ZNF438: variants seen among roughly 807,000 people sequenced by gnomAD.
The protein encoded by ZNF438 is zinc finger protein 438.
In ZNF438, 25 loss-of-function variants were observed where a neutral mutation model predicts 38.0. The ratio of observed to expected loss-of-function variants is 0.66; its 90% CI spans 0.48 to 0.92. ZNF438 has a LOEUF of 0.92. ZNF438 is among the 40% of genes least tolerant of loss of function. The pLI is 0.00. For synonymous variants in ZNF438, 372 were observed against 364.1 expected (o/e 1.02, Z -0.25); for missense variants, 1,007 against 999.6 (o/e 1.01, Z -0.10).
intron 3 of ZNF438, among the ~76,000 whole-genome samples, chr10:30,880,168 C>T (rs1164442187): frequency 6.6e-6 from 1 of 152,126 alleles, no homozygotes; most frequent in African/African-American, 2.4e-5. Flanking sequence ...CGGAGGCTCA[C>T]ACCTGGAATC....
chr10:30,948,045 G>C (rs867989054), intron 1 of ZNF438, among the ~76,000 whole-genome samples: 14 of 152,188 alleles, frequency 9.2e-5, no homozygotes, highest in South Asian at 2.1e-4. Flanking sequence ...TCCGCAGCTG[G>C]AGATCTCAGT....
At chr10:30,887,790 A>T (rs1485620028) in intron 3 of ZNF438, among the ~76,000 whole-genome samples, 2 of 152,158 alleles carry the variant, frequency 1.3e-5, no homozygotes, top group African/African-American at 4.8e-5. Flanking sequence ...AAAATATATA[A>T]TATCATCTCA....
At chr10:30,995,744 A>C (rs1589641941) in intron 1 of ZNF438, among the ~76,000 whole-genome samples, 1 of 152,214 alleles carries the variant, frequency 6.6e-6, no homozygotes, top group African/African-American at 2.4e-5. Flanking sequence ...AGCACAAAAG[A>C]AGCAGGTGAG....
intron 1 of ZNF438, among the ~76,000 whole-genome samples, chr10:30,944,818 T>A (rs2047197967): frequency 6.6e-6 from 1 of 152,248 alleles, no homozygotes; most frequent in South Asian, 2.1e-4. Flanking sequence ...ATCTGTTTAT[T>A]TCATTAAACT....
chr10:30,880,865 T>A (rs1008151877), intron 3 of ZNF438, among the ~76,000 whole-genome samples: 1 of 152,016 alleles, frequency 6.6e-6, no homozygotes, highest in African/African-American at 2.4e-5. Flanking sequence ...CATCTTAATG[T>A]TATAAAAGAA....
intron 1 of ZNF438, among the ~76,000 whole-genome samples, chr10:30,952,176 G>T (rs1270098481): frequency 6.6e-6 from 1 of 151,676 alleles, no homozygotes; most frequent in South Asian, 2.1e-4. Context: ...AATAAATGGT[G>T]CTGGGAAAAC....
At chr10:30,940,800 A>T (rs573972789) in intron 2 of ZNF438, among the ~76,000 whole-genome samples, 1 of 152,346 alleles carries the variant, frequency 6.6e-6, no homozygotes, top group South Asian at 2.1e-4. Context: ...TGACCTTTCA[A>T]AGATTTTTTA....
At chr10:30,894,311 G>A (rs2041064108) in intron 3 of ZNF438, among the ~76,000 whole-genome samples, 2 of 152,186 alleles carry the variant, frequency 1.3e-5, no homozygotes, top group African/African-American at 2.4e-5. Flanking sequence ...TGGAGGACTA[G>A]ACAGTCCAGA....
In ZNF438 at chr10:30,920,564, G is replaced by A. The variant is rs1280459663; in HGVS notation, c.-114-11549C>T. 4 of 151,976 alleles carry A rather than the reference G, an allele frequency of 2.6e-5. No homozygotes were observed. In the East Asian group the frequency reaches 5.8e-4, roughly 22 times the overall value. 9.4% of individuals were successfully genotyped at this position (151,976 alleles called of 1,614,324 possible). A position where few individuals can be genotyped will look rare whatever the true frequency, so the allele number is the denominator to read the frequency against. Reference sequence around the variant, plus strand: ...AGAGAAGTAAAATTGATACAGCTTCGCCATCCTCATTTTACTTGGCAGTTT... The same window carrying A: ...AGAGAAGTAAAATTGATACAGCTTCACCATCCTCATTTTACTTGGCAGTTT... On this transcript the variant is annotated intron_variant, in intron 2 of 5. Coordinates refer to ENST00000413025, the Ensembl canonical transcript of ZNF438.
chr10:30,928,555 T>G (rs1419312112), intron 2 of ZNF438, among the ~76,000 whole-genome samples: 19 of 149,618 alleles, frequency 1.3e-4, no homozygotes, highest in Admixed American at 6.6e-5. Flanking sequence ...AATCACAACG[T>G]TTGGACAAAA....
chr10:30,846,280 C>T (rs888495139), intron 5 of ZNF438, among the ~76,000 whole-genome samples: 1 of 152,206 alleles, frequency 6.6e-6, no homozygotes, highest in Non-Finnish European at 1.5e-5. Context: ...GAGCACCCAG[C>T]TGAAGGTGCA....
At chr10:30,860,389 A>T (rs1253961397) in intron 4 of ZNF438, among the ~76,000 whole-genome samples, 1 of 152,202 alleles carries the variant, frequency 6.6e-6, no homozygotes, top group East Asian at 1.9e-4. Flanking sequence ...TTGGGTCTGC[A>T]TTCTGAAAGC....
chr10:30,929,618 T>C (rs2045392520), intron 2 of ZNF438, among the ~76,000 whole-genome samples: 1 of 152,236 alleles, frequency 6.6e-6, no homozygotes, highest in Admixed American at 6.5e-5. Flanking sequence ...TTGCTGCTGC[T>C]GGCTGCGGTA....
At position 31,003,029 on chromosome 10, in the gene ZNF438, A is replaced by T. The variant is rs541338565; in HGVS notation, c.-192+28804T>A. 3.3e-5 allele frequency among the ~76,000 whole-genome samples: 5 copies of T among 152,284 alleles called. No homozygotes were observed. In the South Asian group the frequency reaches 1.0e-3, roughly 32 times the overall value. ...CAGAAGGCAGTTTTCAAATTAGCAA[A>T]GGGGGCTCAGTCCAGTGGTATACAG... On this transcript the variant is annotated intron_variant, in intron 1 of 5. Transcript: ENST00000413025.
chr10:30,885,969 G>A (rs772543419), intron 3 of ZNF438, among the ~76,000 whole-genome samples: 1 of 152,120 alleles, frequency 6.6e-6, no homozygotes, highest in Non-Finnish European at 1.5e-5. Context: ...CAGTGGACAG[G>A]ACTAGGACCA....
chr10:30,990,384 C>CA (rs766240613), intron 1 of ZNF438, among the ~76,000 whole-genome samples: 12 of 152,098 alleles, frequency 7.9e-5, no homozygotes, highest in East Asian at 7.7e-4. Flanking sequence ...GCTAAGATCA[C>CA]AAAAAAAGAT....
At chr10:30,868,710 T>C (rs1324329362) in intron 4 of ZNF438, among the ~76,000 whole-genome samples, 2 of 152,232 alleles carry the variant, frequency 1.3e-5, no homozygotes, top group African/African-American at 4.8e-5. Flanking sequence ...ACCATCTGCA[T>C]AAATAAAGAT....
At chr10:30,875,497 T>C in intron 4 of ZNF438, 1 of 985,422 alleles carries the variant, frequency 1.0e-6, no homozygotes, top group Non-Finnish European at 1.2e-6. Flanking sequence ...TCTCCTAAGC[T>C]TCTCCTTGCT....
intron 1 of ZNF438, among the ~76,000 whole-genome samples, chr10:31,002,459 C>A (rs2054752221): frequency 6.6e-6 from 1 of 152,034 alleles, no homozygotes. Flanking sequence ...ACTATTAGAT[C>A]TTTTCCTTGG....
Sources: allele counts gnomAD v4.1 joint callset (sites outside exome capture counted in the v4.1 genomes callset), GRCh38; gene constraint gnomAD v4.1.1; transcripts MANE v1.5; gene names NCBI Gene and HGNC (gene_info 2026-07-23, HGNC 2026-07-21).